Variants in SORCS2 observed in about 807,000 individuals in gnomAD.
SORCS2 encodes sortilin related VPS10 domain containing receptor 2.
In SORCS2, 100 loss-of-function variants were observed where a neutral mutation model predicts 141.6. The observed-to-expected ratio is 0.71, with a 90% CI of 0.60 to 0.83. The LOEUF (loss-of-function observed/expected upper bound fraction) is 0.83, where lower values mean the gene tolerates loss of function less well. Among genes scored for constraint, SORCS2 ranks in the 40% least tolerant of loss-of-function variants. SORCS2 has a pLI of 0.00. For missense variants in SORCS2, 1,646 were observed against 1,560.2 expected, an observed-to-expected ratio of 1.05 and a Z score of -0.93; for synonymous variants, 789 against 676.9, an observed-to-expected ratio of 1.17 and a Z score of -2.57.
intron 1 of SORCS2, among the ~76,000 whole-genome samples, chr4:7,288,840 C>T (rs1245483697): frequency 1.3e-5 from 2 of 151,390 alleles, no homozygotes; most frequent in Non-Finnish European, 1.5e-5. Flanking sequence ...TCAGCATGAA[C>T]CCTTTTTGTT....
At chr4:7,523,619 A>G (rs1358738743) in intron 2 of SORCS2, among the ~76,000 whole-genome samples, 2 of 151,978 alleles carry the variant, frequency 1.3e-5, no homozygotes, top group Non-Finnish European at 2.9e-5. Flanking sequence ...TGCTCAGTCC[A>G]CCATGAGCCG....
At chr4:7,357,097 G>A (rs1721295506) in intron 1 of SORCS2, among the ~76,000 whole-genome samples, 2 of 152,264 alleles carry the variant, frequency 1.3e-5, no homozygotes, top group African/African-American at 2.4e-5. Context: ...ACGGCCTGGG[G>A]TCCGGCTGGA....
At chr4:7,620,803 G>A (rs1023102164) in intron 3 of SORCS2, among the ~76,000 whole-genome samples, 1 of 152,224 alleles carries the variant, frequency 6.6e-6, no homozygotes, top group African/African-American at 2.4e-5. Flanking sequence ...AGGCGCTGAG[G>A]GTCTCACGGT....
In SORCS2 at chr4:7,740,791, C is replaced by A. The variant is rs1180843226; in HGVS notation, c.*527C>A. 1 of 359,642 alleles carries A rather than the reference C, an allele frequency of 2.8e-6. No individual in the cohort carries two copies. Among genetic ancestry groups the A allele is most frequent in the Non-Finnish European group, 5.0e-6 (1 of 201,766 alleles). 22.3% of individuals were successfully genotyped at this position (359,642 alleles called of 1,614,324 possible). A position where few individuals can be genotyped will look rare whatever the true frequency, so the allele number is the denominator to read the frequency against. On this transcript the variant is annotated 3_prime_UTR_variant, in exon 27 of 27. Coordinates refer to ENST00000507866, the MANE Select transcript of SORCS2 (RefSeq NM_020777.3). ...ACACCACACCACCCTCCAGGCCCCC[C>A]TGCCCTCCGGCTGGAAACTGCAGCT...
At chr4:7,467,652 G>A (rs2109337800) in intron 2 of SORCS2, among the ~76,000 whole-genome samples, 1 of 152,310 alleles carries the variant, frequency 6.6e-6, no homozygotes, top group Admixed American at 6.5e-5. Flanking sequence ...GAAGGAGCCA[G>A]GGCTCCGGCT....
intron 1 of SORCS2, among the ~76,000 whole-genome samples, chr4:7,291,294 C>T (rs1023007303): frequency 3.3e-5 from 5 of 152,054 alleles, no homozygotes; most frequent in Admixed American, 1.3e-4. Context: ...GGGGTGTGGT[C>T]GTTTGCTTTT....
chr4:7,585,323 G>A (rs867178271), intron 3 of SORCS2, among the ~76,000 whole-genome samples: 54 of 152,158 alleles, frequency 3.5e-4, no homozygotes, highest in African/African-American at 1.2e-3. Context: ...CTCAAAACCC[G>A]CCGGACTTCC....
At chr4:7,536,838 G>T (rs1263135620) in intron 3 of SORCS2, among the ~76,000 whole-genome samples, 3,124 of 41,140 alleles carry the variant, frequency 0.076, 184 homozygotes, top group African/African-American at 0.11. Context: ...GATGTGGGGG[G>T]GGGGGGCGGG....
At chr4:7,711,496 G>A (rs556296045) in intron 14 of SORCS2, among the ~76,000 whole-genome samples, 8 of 152,282 alleles carry the variant, frequency 5.3e-5, no homozygotes, top group Admixed American at 2.0e-4. Flanking sequence ...TAATATGGCC[G>A]GAGCACCACA....
intron 18 of SORCS2, among the ~76,000 whole-genome samples, chr4:7,719,907 T>C (rs910629230): frequency 6.6e-6 from 1 of 152,068 alleles, no homozygotes; most frequent in African/African-American, 2.4e-5. Flanking sequence ...GATCAAAAGA[T>C]GCTCTTGGTG....
chr4:7,704,077 G>A, intron 13 of SORCS2, 100 bp from the exon 14 acceptor site: 1 of 1,016,298 alleles, frequency 9.8e-7, no homozygotes, highest in Non-Finnish European at 1.5e-6. Flanking sequence ...AGGTTGGCTA[G>A]TGCAGCCTCC....
chr4:7,550,677 T>G (rs1259706267), intron 3 of SORCS2, among the ~76,000 whole-genome samples: 1 of 152,202 alleles, frequency 6.6e-6, no homozygotes, highest in Non-Finnish European at 1.5e-5. Flanking sequence ...ATCATGGACT[T>G]GTCCCTTATG....
At position 7,379,413 on chromosome 4, in the gene SORCS2, G is replaced by T. The variant is rs1722849953; in HGVS notation, c.481-16875G>T. Among the ~76,000 whole-genome samples, 3 of 152,216 alleles carry T rather than the reference G, an allele frequency of 2.0e-5. No homozygotes were observed. In the South Asian group the frequency reaches 6.2e-4, roughly 31 times the overall value. Reference sequence around the variant, plus strand: ...GGTGGAAGCACGAGAGGCGTATTCAGATAAGCGTGAGGAGGGCCTTCGGGA... The same window carrying T: ...GGTGGAAGCACGAGAGGCGTATTCATATAAGCGTGAGGAGGGCCTTCGGGA... On this transcript the variant is annotated intron_variant, in intron 1 of 26. Coordinates refer to ENST00000507866, the MANE Select transcript of SORCS2 (RefSeq NM_020777.3).
At chr4:7,418,292 G>C (rs1725824446) in intron 2 of SORCS2, among the ~76,000 whole-genome samples, 1 of 152,198 alleles carries the variant, frequency 6.6e-6, no homozygotes, top group Admixed American at 6.5e-5. Flanking sequence ...AGTGATATGA[G>C]CTGTCCCATA....
At chr4:7,671,292 A>T (rs1403466607) in intron 8 of SORCS2, among the ~76,000 whole-genome samples, 2 of 152,090 alleles carry the variant, frequency 1.3e-5, no homozygotes, top group Non-Finnish European at 2.9e-5. Flanking sequence ...TTTTTGACAT[A>T]AAAAAGTTAC....
chr4:7,271,445 C>A (rs1715122369), intron 1 of SORCS2, among the ~76,000 whole-genome samples: 1 of 152,216 alleles, frequency 6.6e-6, no homozygotes, highest in African/African-American at 2.4e-5. Flanking sequence ...TGCTGTTGCC[C>A]TTGCCTGGAA....
In SORCS2 at chr4:7,715,242, A is replaced by C. The variant is rs2109042479; in HGVS notation, c.2183A>C (p.Asn728Thr). ...SESSTNKCSA[N>T]FWFNPLSPPD... is the part of the protein sequence containing the mutation. ...TCCAGCACCAACAAGTGCTCTGCCA[A>C]CTTCTGGTTTAACCCATTGTCCCCG... The change falls in exon 17 of 27, where the codon AAC becomes ACC. Residue 728 changes from asparagine to threonine, a missense_variant. Physicochemically the swap from Asn to Thr is moderately conservative, Grantham distance 65. Transcript: ENST00000507866. The C allele has an allele frequency of 5.6e-6, 9 of 1,613,902 alleles. No individual in the cohort carries two copies. The highest frequency in any genetic ancestry group is 6.8e-6 in the Non-Finnish European group (8 of 1,179,854).
intron 4 of SORCS2, among the ~76,000 whole-genome samples, 168 bp from the exon 5 acceptor site, chr4:7,653,966 G>A (rs6826370): frequency 0.11 from 17,364 of 152,230 alleles, 1,559 homozygotes; most frequent in African/African-American, 0.25. Context: ...TCCTGGAGGC[G>A]GTGGGGTTTG....
rs947660352 is a variant in SORCS2 at position 7,664,999 on chromosome 4, C to A, written c.1071+528C>A. Among the ~76,000 whole-genome samples, 10 of 152,228 alleles carry A rather than the reference C, an allele frequency of 6.6e-5. No individual in the cohort carries two copies. The highest frequency in any genetic ancestry group is 1.3e-4 in the Non-Finnish European group (9 of 68,038). ...GATGGGGAGCTCAGCCCTCCCGAAA[C>A]AGCCTAGCCCTCTGCTGAGTAGCCC... is the stretch of plus-strand genomic sequence containing the variant. On this transcript the variant is annotated intron_variant, in intron 7 of 26. Coordinates refer to ENST00000507866, the MANE Select transcript of SORCS2 (RefSeq NM_020777.3). The surrounding 1 kb of genome is among the most constrained non-coding windows in gnomAD (Gnocchi z 4.7).
Sources: gnomAD v4.1 joint callset for allele counts (sites outside exome capture counted in the v4.1 genomes callset) on GRCh38, gnomAD v4.1.1 for gene constraint, Gnocchi (gnomAD v3.1) non-coding constraint, MANE v1.5 for transcripts, NCBI Gene and HGNC (gene_info 2026-07-23, HGNC 2026-07-21) for gene names.